Variants in SLC6A14 observed in about 807,000 individuals in gnomAD.
The protein encoded by SLC6A14 is solute carrier family 6 member 14, also known as sodium- and chloride-dependent neutral and basic amino acid transporter B(0+).
In SLC6A14, 21 loss-of-function variants were observed where a neutral mutation model predicts 51.4. The observed-to-expected ratio is 0.41, with a 90% CI of 0.29 to 0.59. SLC6A14 has a LOEUF of 0.59. SLC6A14 is among the 20% of genes least tolerant of loss of function. The pLI is 0.31. For synonymous variants in SLC6A14, 177 were observed against 160.7 expected (o/e 1.10, Z -0.77); for missense variants, 371 against 472.8 (o/e 0.78, Z 2.00).
chrX:116,460,769 TG>T lies in SLC6A14; in HGVS notation c.*1815del, dbSNP rs1928037166. ...TTTTAGTAGAGGCGAAGTTTCCCCA[TG>T]TTGGCCAGGCTGGTCTTGAACTCCC... On this transcript the variant is annotated 3_prime_UTR_variant, in exon 14 of 14. Transcript: ENST00000598581. The T allele has an allele frequency of 9.1e-6, 1 of 109,339 alleles. No individual in the cohort carries two copies. The highest frequency in any genetic ancestry group is 1.9e-5 in the Non-Finnish European group (1 of 52,705). The allele number at this position is 109,339 out of a possible 1,213,427, so 9.0% of individuals were successfully genotyped here.
intron 2 of SLC6A14, among the ~76,000 whole-genome samples, chrX:116,440,043 T>C (rs1927563332): frequency 9.0e-6 from 1 of 111,693 alleles, no homozygotes; most frequent in Non-Finnish European, 1.9e-5. Context: ...TGAAAACCCA[T>C]TTTTATCCAC....
intron 7 of SLC6A14, 92 bp downstream of exon 7, chrX:116,446,973 T>A: frequency 8.1e-6 from 6 of 741,188 alleles, no homozygotes; most frequent in Non-Finnish European, 1.2e-5. Context: ...TATCATAATG[T>A]AATAGCTTGC....
intron 3 of SLC6A14, among the ~76,000 whole-genome samples, chrX:116,442,056 A>G (rs1453924046): frequency 9.0e-6 from 1 of 111,670 alleles, no homozygotes; most frequent in Non-Finnish European, 1.9e-5. Context: ...CAGGCTTAAC[A>G]AGAAAAAGTA....
intron 1 of SLC6A14, among the ~76,000 whole-genome samples, chrX:116,437,439 C>T (rs1165745433): frequency 9.0e-6 from 1 of 111,209 alleles, no homozygotes; most frequent in Non-Finnish European, 1.9e-5. Flanking sequence ...TTCATTTTTC[C>T]CTCACACCAG....
intron 2 of SLC6A14, among the ~76,000 whole-genome samples, chrX:116,439,534 T>C (rs1274483965): frequency 8.9e-6 from 1 of 111,763 alleles, no homozygotes; most frequent in Non-Finnish European, 1.9e-5. Flanking sequence ...CCTTAAGGTC[T>C]AGGTCTGCAG....
rs782656839 is a variant in SLC6A14 at position 116,460,033 on chromosome X, A to G, written c.*1078A>G. The G allele has an allele frequency of 1.8e-5, 2 of 112,018 alleles. No individual in the cohort carries two copies. The highest frequency in any genetic ancestry group is 3.7e-4 in the South Asian group (1 of 2,703). The allele number at this position is 112,018 out of a possible 1,213,427, so 9.2% of individuals were successfully genotyped here. A position where few individuals can be genotyped will look rare whatever the true frequency, so the allele number is the denominator to read the frequency against. The stretch of plus-strand genomic sequence containing the variant: ...AAATATATCACTAAGAGCTTTATAT[A>G]TTGATTATATATTGTTGACAACTGG... On this transcript the variant is annotated 3_prime_UTR_variant, in exon 14 of 14. Coordinates refer to ENST00000598581, the MANE Select transcript of SLC6A14 (RefSeq NM_007231.5).
chrX:116,455,513 C>A, intron 12 of SLC6A14, 47 bp downstream of exon 12: 1 of 774,439 alleles, frequency 1.3e-6, no homozygotes, highest in Non-Finnish European at 1.9e-6. Context: ...TACATATGTT[C>A]TAAGATAAAC....
chrX:116,446,430 G>C (rs1279656822), intron 6 of SLC6A14, among the ~76,000 whole-genome samples: 2 of 111,707 alleles, frequency 1.8e-5, no homozygotes, highest in Non-Finnish European at 3.8e-5. Context: ...AGTCTCCTCA[G>C]ACATGTATAA....
At chrX:116,452,865 TA>T in intron 8 of SLC6A14, 151 bp from the exon 9 acceptor site, 2 of 390,468 alleles carry the variant, frequency 5.1e-6, no homozygotes, top group South Asian at 7.1e-5. Flanking sequence ...TTCAATATTG[TA>T]AAAAGGGAAT....
rs1556693907 is a variant in SLC6A14, at chrX:116,444,960, A to T, written c.699A>T (p.Gly233=). 8.3e-7 allele frequency: 1 copy of T among 1,209,270 alleles called. No individual in the cohort carries two copies. ...LQRSSGMNET[G]VIVWYLALCL... ...GGTCAAGTGGAATGAATGAGACTGG[A>T]GTAATTGTTTGGTATTTAGCACTTT... Residue 233 remains glycine, a synonymous_variant, in exon 6 of 14, where the codon GGA becomes GGT. Coordinates refer to ENST00000598581, the MANE Select transcript of SLC6A14 (RefSeq NM_007231.5).
At chrX:116,454,252 A>G in intron 9 of SLC6A14, 72 bp from the exon 10 acceptor site, 2 of 609,871 alleles carry the variant, frequency 3.3e-6, no homozygotes, top group East Asian at 3.3e-5. Context: ...TGATTAACAT[A>G]CATTGAATTC....
intron 11 of SLC6A14, 135 bp downstream of exon 11, chrX:116,455,211 T>C (rs1201255087): frequency 3.3e-6 from 2 of 601,357 alleles, no homozygotes; most frequent in African/African-American, 4.6e-5. Flanking sequence ...CTGCACAACA[T>C]TATGTTATGT....
chrX:116,455,084 G>A lies in SLC6A14; in HGVS notation c.1504+8G>A, dbSNP rs782219064. Reference sequence around the variant, plus strand: ...GAATCATCTGGATTTATGGTAAATAGTAACTATAAAATTATTTTCCAGTTT... The same window carrying A: ...GAATCATCTGGATTTATGGTAAATAATAACTATAAAATTATTTTCCAGTTT... On this transcript the variant is annotated splice_region_variant and intron_variant, in intron 11 of 13. Coordinates refer to ENST00000598581, the MANE Select transcript of SLC6A14 (RefSeq NM_007231.5). 87 of 1,092,296 alleles carry A rather than the reference G, an allele frequency of 8.0e-5. No homozygotes were observed. Among genetic ancestry groups the A allele is most frequent in the Non-Finnish European group, 1.0e-4 (80 of 794,575 alleles). 90.0% of individuals were successfully genotyped at this position (1,092,296 alleles called of 1,213,427 possible). A position where few individuals can be genotyped will look rare whatever the true frequency, so the allele number is the denominator to read the frequency against.
chrX:116,456,336 A>AT (rs1361115790), intron 12 of SLC6A14, among the ~76,000 whole-genome samples: 112 of 105,928 alleles, frequency 1.1e-3, no homozygotes, highest in African/African-American at 2.7e-3. Flanking sequence ...AGAGGATTAC[A>AT]TTTTTTTTTT....
intron 7 of SLC6A14, among the ~76,000 whole-genome samples, chrX:116,449,558 A>C (rs782688368): frequency 1.6e-4 from 18 of 112,459 alleles, no homozygotes; most frequent in Non-Finnish European, 3.2e-4. Flanking sequence ...GATCTATCCC[A>C]AAAGAGTTTT....
chrX:116,453,513 C>T (rs1409173473), intron 9 of SLC6A14, among the ~76,000 whole-genome samples: 1 of 110,819 alleles, frequency 9.0e-6, no homozygotes, highest in Non-Finnish European at 1.9e-5. Flanking sequence ...ATATCATATA[C>T]ATTTTTAAAT....
intron 3 of SLC6A14, among the ~76,000 whole-genome samples, chrX:116,441,315 T>C (rs1387827262): frequency 8.9e-6 from 1 of 112,456 alleles, no homozygotes; most frequent in Non-Finnish European, 1.9e-5. Context: ...TATCATGGGC[T>C]GCAGAAATGG....
rs1556694862 is a variant in SLC6A14 at position 116,457,638 on chromosome X, T to G, written c.1644T>G (p.Phe548Leu). 8.3e-7 allele frequency: 1 copy of G among 1,209,180 alleles called. No individual in the cohort carries two copies. Among genetic ancestry groups the G allele is most frequent in the Non-Finnish European group, 1.1e-6 (1 of 893,667 alleles). Residue 548 changes from phenylalanine (F) to leucine (L), a missense_variant, in exon 13 of 14, where the codon TTT becomes TTG. Phe to Leu is a conservative substitution (Grantham distance 22). Around this residue, in one of 2 missense-constraint regions of SLC6A14, gnomAD observed 94 missense variants for 81.0 expected, o/e 1.16. Transcript: ENST00000598581. ...IAIFIWSLVQ[F>L]HRPNYGAIPY... ...TATTTATCTGGTCATTGGTGCAATT[T>G]CATAGACCTAATTATGGCGCAATTC...
At chrX:116,456,014 T>C (rs1324049437) in intron 12 of SLC6A14, among the ~76,000 whole-genome samples, 1 of 111,467 alleles carries the variant, frequency 9.0e-6, no homozygotes, top group Non-Finnish European at 1.9e-5. Flanking sequence ...GTCAATAAAT[T>C]CAACAATTAA....
Sources: gnomAD v4.1 joint callset for allele counts (sites outside exome capture counted in the v4.1 genomes callset) on GRCh38, gnomAD v4.1.1 for gene constraint, gnomAD v4.1.1 regional missense constraint, MANE v1.5 for transcripts, NCBI Gene and HGNC (gene_info 2026-07-23, HGNC 2026-07-21) for gene names.